Variants in LRBA observed in about 807,000 individuals in gnomAD.
LRBA encodes the protein lipopolysaccharide-responsive and beige-like anchor protein.
In LRBA, 176 loss-of-function variants were observed where a neutral mutation model predicts 330.0. The observed-to-expected ratio is 0.53, with a 90% CI of 0.47 to 0.60. The LOEUF (loss-of-function observed/expected upper bound fraction) is 0.60. Among genes scored for constraint, LRBA ranks in the 20% least tolerant of loss-of-function variants. LRBA has a pLI of 0.00. For synonymous variants in LRBA, 1,230 were observed against 1,193.0 expected (o/e 1.03, Z -0.64); for missense variants, 3,259 against 3,444.8 (o/e 0.95, Z 1.35).
chr4:150,594,423 T>C (rs1306093289), intron 38 of LRBA, among the ~76,000 whole-genome samples: 1 of 152,104 alleles, frequency 6.6e-6, no homozygotes, highest in East Asian at 1.9e-4. Context: ...TTATTCTCAA[T>C]CAACCATTAT....
intron 55 of LRBA, 130 bp from the exon 56 acceptor site, chr4:150,278,134 T>A: frequency 1.4e-6 from 1 of 727,166 alleles, no homozygotes; most frequent in South Asian, 2.2e-5. Context: ...CAGGAGTTTT[T>A]AGAAAATCGT....
rs60145657 is a variant in LRBA, at chr4:150,697,325, GAAAAAAAAA to G, written c.5755-13617_5755-13609del. Among the ~76,000 whole-genome samples the G allele has an allele frequency of 5.6e-3, 158 of 28,056 alleles. 2 individuals carry two copies. In the East Asian group the frequency reaches 0.13, roughly 23 times the overall value. 18.4% of individuals were successfully genotyped at this position (28,056 alleles called of 152,430 possible). ...GGTGACAGAGTGAGACTTTGTCTCA[GAAAAAAAAA>G]AAAAAAAAAAAAAAAAACAGGGAGA... On this transcript the variant is annotated intron_variant, in intron 36 of 56. Transcript: ENST00000651943.
chr4:150,852,031 CATTA>C lies in LRBA; in HGVS notation c.3675_3678del (p.Ile1225MetfsTer33). The C allele has an allele frequency of 6.2e-7, 1 of 1,614,108 alleles. No individual in the cohort carries two copies. The highest frequency in any genetic ancestry group is 8.5e-7 in the Non-Finnish European group (1 of 1,179,988). On this transcript the variant is annotated frameshift_variant, in exon 23 of 57. Transcript: ENST00000651943. LOFTEE classifies it high-confidence loss of function. The stretch of plus-strand genomic sequence containing the variant: ...GCCTCAGAGACACTACCATGACAAT[CATTA>C]ATTAATTTGGTTTCTCTAGTGAGGT...
intron 40 of LRBA, among the ~76,000 whole-genome samples, chr4:150,515,935 C>T (rs988282059): frequency 6.6e-6 from 1 of 151,824 alleles, no homozygotes; most frequent in Non-Finnish European, 1.5e-5. Context: ...ACCCAAAAAA[C>T]TTTTATAATA....
chr4:150,824,645 T>G (rs1414668975), intron 30 of LRBA, among the ~76,000 whole-genome samples: 2 of 152,222 alleles, frequency 1.3e-5, no homozygotes, highest in Non-Finnish European at 2.9e-5. Context: ...TCAAATGCTT[T>G]TCAGCAGCAA....
At chr4:150,762,615 C>T (rs1044825775) in intron 34 of LRBA, among the ~76,000 whole-genome samples, 1 of 151,720 alleles carries the variant, frequency 6.6e-6, no homozygotes, top group Non-Finnish European at 1.5e-5. Flanking sequence ...CTCGTGAATG[C>T]CACTTGTGTG....
chr4:150,639,773 ATATATATATG>A (rs1466976095), intron 37 of LRBA, among the ~76,000 whole-genome samples: 403 of 6,044 alleles, frequency 0.067, 45 homozygotes, highest in South Asian at 0.35. Context: ...ATATATATAT[ATATATATATG>A]TGTGTGTGTA....
At chr4:150,833,465 G>A (rs573473024) in intron 28 of LRBA, among the ~76,000 whole-genome samples, 14 of 152,056 alleles carry the variant, frequency 9.2e-5, no homozygotes, top group South Asian at 6.2e-4. Context: ...GTTTAGTTCC[G>A]GACCACTGCA....
chr4:150,921,149 G>T, intron 5 of LRBA, 49 bp downstream of exon 5: 7 of 1,254,882 alleles, frequency 5.6e-6, no homozygotes, highest in Non-Finnish European at 8.2e-6. Context: ...CTTTCAGGGA[G>T]CAAAGGAAAG....
intron 2 of LRBA, among the ~76,000 whole-genome samples, chr4:150,967,073 C>A (rs754305168): frequency 6.6e-6 from 1 of 152,090 alleles, no homozygotes; most frequent in Non-Finnish European, 1.5e-5. Context: ...TAATAAAAGT[C>A]TAATTTAATT....
intron 40 of LRBA, among the ~76,000 whole-genome samples, chr4:150,577,242 T>C (rs2126314218): frequency 6.6e-6 from 1 of 152,104 alleles, no homozygotes; most frequent in African/African-American, 2.4e-5. Flanking sequence ...CTTACATATA[T>C]TTAAATATAA....
chr4:150,917,205 CTCTT>C (rs1732730694), intron 5 of LRBA, among the ~76,000 whole-genome samples: 1 of 151,858 alleles, frequency 6.6e-6, no homozygotes. Flanking sequence ...TGGAAGAAGA[CTCTT>C]TATCAGGAAG....
intron 34 of LRBA, among the ~76,000 whole-genome samples, chr4:150,795,478 G>A (rs1426306343): frequency 1.3e-5 from 2 of 151,844 alleles, no homozygotes; most frequent in Non-Finnish European, 2.9e-5. Context: ...ATTGATCTTT[G>A]GAACTTCAGT....
intron 44 of LRBA, among the ~76,000 whole-genome samples, chr4:150,455,769 T>G (rs1048937730): frequency 2.0e-5 from 3 of 151,432 alleles, no homozygotes; most frequent in African/African-American, 7.3e-5. Flanking sequence ...ATCTTGATAA[T>G]TTTTTTTTGT....
At position 150,921,266 on chromosome 4, in the gene LRBA, C is replaced by G; in HGVS notation, c.577G>C (p.Val193Leu). ...TACTTCTGAGGCATATGCTTTAACA[C>G]AGACAGCAACTTCCCAGCATGTGGA... The part of the protein sequence containing the change: ...WPPHAGKLLS[V>L]LKHMPQKYGP... Residue 193 changes from valine to leucine, a missense_variant, in exon 5 of 57, where the codon GTG (valine) becomes CTG (leucine). Val to Leu is a conservative substitution (Grantham distance 32). Coordinates refer to ENST00000651943, the MANE Select transcript of LRBA (RefSeq NM_001364905.1). The G allele has an allele frequency of 6.2e-7, 1 of 1,612,312 alleles. No individual in the cohort carries two copies. Among genetic ancestry groups the G allele is most frequent in the Non-Finnish European group, 8.5e-7 (1 of 1,178,434 alleles).
chr4:150,909,701 TG>T (rs1731759332), intron 9 of LRBA, among the ~76,000 whole-genome samples: 1 of 152,226 alleles, frequency 6.6e-6, no homozygotes, highest in Non-Finnish European at 1.5e-5. Context: ...CTGGATCACA[TG>T]GAAGTTCTAT....
At chr4:150,720,128 C>T (rs757397693) in intron 36 of LRBA, among the ~76,000 whole-genome samples, 3 of 152,050 alleles carry the variant, frequency 2.0e-5, no homozygotes, top group Non-Finnish European at 4.4e-5. Flanking sequence ...AAATAAGTCA[C>T]TAAGATATCC....
At chr4:150,500,554 G>A (rs1760136394) in intron 40 of LRBA, among the ~76,000 whole-genome samples, 2 of 151,942 alleles carry the variant, frequency 1.3e-5, no homozygotes, top group African/African-American at 2.4e-5. Flanking sequence ...CTCCAGCCTG[G>A]GCAGCAAGAG....
chr4:150,303,964 C>T (rs563366337), intron 52 of LRBA, among the ~76,000 whole-genome samples: 36 of 152,262 alleles, frequency 2.4e-4, no homozygotes, highest in African/African-American at 8.7e-4. Flanking sequence ...GTGACAGACC[C>T]CCATTCCATC....
Sources: allele counts gnomAD v4.1 joint callset (sites outside exome capture counted in the v4.1 genomes callset), GRCh38; gene constraint gnomAD v4.1.1; transcripts MANE v1.5; gene names NCBI Gene and HGNC (gene_info 2026-07-23, HGNC 2026-07-21).